CDH13: variants seen among roughly 807,000 people sequenced by gnomAD.
CDH13 encodes cadherin-13.
CDH13 carries 24 observed loss-of-function variants against 63.8 expected under a neutral mutation model. The observed-to-expected ratio is 0.38, with a 90% CI of 0.27 to 0.53. The LOEUF (loss-of-function observed/expected upper bound fraction) is 0.53. Ranked by LOEUF, CDH13 falls within the 20% of genes least tolerant of loss-of-function variation. The pLI, the probability that CDH13 is intolerant of heterozygous loss-of-function variation, is 0.85. For missense variants in CDH13, 1,049 were observed against 903.1 expected (o/e 1.16, Z -2.07); for synonymous variants, 503 against 355.3 (o/e 1.42, Z -4.67).
At position 83,047,294 on chromosome 16, in the gene CDH13, A is replaced by G. The variant is rs373997581; in HGVS notation, c.366+15076A>G. Among the ~76,000 whole-genome samples the G allele has an allele frequency of 4.6e-5, 7 of 152,174 alleles. No homozygotes were observed. The highest frequency in any genetic ancestry group is 1.7e-4 in the African/African-American group (7 of 41,444). ...CCTCTGCTGTGAATTTAAGTCATCT[A>G]ATCAAAATGCATTATTTCTGTCCTT... On this transcript the variant is annotated intron_variant, in intron 3 of 13. Coordinates refer to ENST00000567109, the MANE Select transcript of CDH13 (RefSeq NM_001257.5). The surrounding 1 kb of genome is among the most constrained non-coding windows in gnomAD (Gnocchi z 4.9).
chr16:82,914,350 A>G (rs1175539220), intron 2 of CDH13, among the ~76,000 whole-genome samples: 1 of 152,086 alleles, frequency 6.6e-6, no homozygotes, highest in Non-Finnish European at 1.5e-5. Flanking sequence ...TCAAGGAGAC[A>G]CTCTTATTAT....
At chr16:82,711,388 T>C (rs2031932137) in intron 1 of CDH13, among the ~76,000 whole-genome samples, 1 of 152,114 alleles carries the variant, frequency 6.6e-6, no homozygotes, top group African/African-American at 2.4e-5. Context: ...GCGGTGGCAC[T>C]TGGGATTCTG....
intron 10 of CDH13, among the ~76,000 whole-genome samples, chr16:83,731,122 C>T (rs1035328218): frequency 6.6e-6 from 1 of 152,208 alleles, no homozygotes; most frequent in Admixed American, 6.5e-5. Context: ...CTGTGATAAA[C>T]ATACAAGTGC....
chr16:82,651,558 C>T (rs1049418893), intron 1 of CDH13, among the ~76,000 whole-genome samples: 1 of 152,206 alleles, frequency 6.6e-6, no homozygotes, highest in African/African-American at 2.4e-5. Context: ...TGGCCAGGTC[C>T]TGAGAAAAGC....
chr16:82,896,730 A>G (rs2041281813), intron 2 of CDH13, among the ~76,000 whole-genome samples: 2 of 151,590 alleles, frequency 1.3e-5, no homozygotes, highest in South Asian at 4.2e-4. Context: ...GACGAAAGAA[A>G]GAAAGATTGA....
At chr16:82,844,906 C>T (rs2039195553) in intron 1 of CDH13, 1 of 152,000 alleles carries the variant, frequency 6.6e-6, no homozygotes, top group Non-Finnish European at 1.5e-5. Context: ...CCGCCTGCCT[C>T]AGTCCCCCAA....
At position 83,795,759 on chromosome 16, in the gene CDH13, C is replaced by A. The variant is rs1349363717; in HGVS notation, c.*729C>A. On this transcript the variant is annotated 3_prime_UTR_variant, in exon 14 of 14. Transcript: ENST00000567109. The stretch of plus-strand genomic sequence containing the variant: ...CCAAGGAGGTGAGGAGCAGAGCAGG[C>A]AATTTCACCACCAAATGCCAAGAAA... 1 of 152,488 alleles carries A rather than the reference C, an allele frequency of 6.6e-6. No individual in the cohort carries two copies. The highest frequency in any genetic ancestry group is 6.5e-5 in the Admixed American group (1 of 15,280). 9.4% of individuals were successfully genotyped at this position (152,488 alleles called of 1,614,324 possible).
intron 1 of CDH13, among the ~76,000 whole-genome samples, chr16:82,804,739 C>T (rs1053443296): frequency 1.3e-5 from 2 of 152,074 alleles, no homozygotes; most frequent in African/African-American, 4.8e-5. Context: ...AACACTTTCC[C>T]CAAATAGGTA....
chr16:82,840,321 C>G (rs1168015741), intron 1 of CDH13, among the ~76,000 whole-genome samples: 1 of 150,662 alleles, frequency 6.6e-6, no homozygotes, highest in Non-Finnish European at 1.5e-5. Context: ...CTTTATTGCC[C>G]TAAAATGTCT....
chr16:82,938,174 T>G (rs1167119095), intron 2 of CDH13, among the ~76,000 whole-genome samples: 2 of 152,188 alleles, frequency 1.3e-5, no homozygotes, highest in Non-Finnish European at 2.9e-5. Context: ...GGGCATTGAG[T>G]TACACAGGCA....
chr16:83,372,849 C>G (rs2091397406), intron 6 of CDH13, among the ~76,000 whole-genome samples: 1 of 151,040 alleles, frequency 6.6e-6, no homozygotes, highest in South Asian at 2.1e-4. Context: ...AGGAGACTGA[C>G]AAGTGATGGC....
At chr16:83,791,539 G>C (rs920893275) in intron 13 of CDH13, among the ~76,000 whole-genome samples, 3 of 151,554 alleles carry the variant, frequency 2.0e-5, no homozygotes, top group African/African-American at 4.8e-5. Context: ...CTGGCTGGGT[G>C]GGGTGGCTCA....
chr16:83,453,524 C>T (rs1027892280), intron 6 of CDH13, among the ~76,000 whole-genome samples: 2 of 152,054 alleles, frequency 1.3e-5, no homozygotes, highest in African/African-American at 4.8e-5. Flanking sequence ...TTAATAAAAT[C>T]ATAGTTGCCT....
intron 7 of CDH13, among the ~76,000 whole-genome samples, chr16:83,528,362 A>G (rs185277142): frequency 1.3e-5 from 2 of 152,168 alleles, no homozygotes; most frequent in African/African-American, 4.8e-5. Context: ...ACGTGAAATT[A>G]TTTTTCCATT....
intron 5 of CDH13, among the ~76,000 whole-genome samples, chr16:83,330,493 G>A (rs773866037): frequency 1.3e-5 from 2 of 152,204 alleles, no homozygotes; most frequent in South Asian, 2.1e-4. Flanking sequence ...GCATTGTTCC[G>A]AAGGAGAAAG....
chr16:83,618,733 G>A (rs1212802147), intron 8 of CDH13, among the ~76,000 whole-genome samples: 1 of 139,824 alleles, frequency 7.2e-6, no homozygotes, highest in Non-Finnish European at 1.6e-5. Context: ...TTCCCTATCG[G>A]TCAAGTAAAA....
chr16:82,647,756 T>C (rs1203591897), intron 1 of CDH13, among the ~76,000 whole-genome samples: 3 of 152,122 alleles, frequency 2.0e-5, no homozygotes, highest in African/African-American at 7.2e-5. Flanking sequence ...AGCCCTGTAA[T>C]GGAAAAGCCA....
chr16:83,777,772 C>G (rs1467888891), intron 11 of CDH13, among the ~76,000 whole-genome samples: 9 of 152,188 alleles, frequency 5.9e-5, no homozygotes. Context: ...CCCGTGTAAC[C>G]TGATAGCCTA....
intron 4 of CDH13, among the ~76,000 whole-genome samples, chr16:83,130,023 A>T (rs985001030): frequency 2.6e-5 from 4 of 152,152 alleles, no homozygotes; most frequent in African/African-American, 7.2e-5. Context: ...CTGAAATTCA[A>T]CCTAATTCAT....
Sources: allele counts gnomAD v4.1 joint callset (sites outside exome capture counted in the v4.1 genomes callset), GRCh38; gene constraint gnomAD v4.1.1; non-coding constraint Gnocchi (gnomAD v3.1); transcripts MANE v1.5; gene names NCBI Gene and HGNC (gene_info 2026-07-23, HGNC 2026-07-21).